Variants in PIDD1 observed in about 807,000 individuals in gnomAD.
PIDD1 encodes the protein p53-induced death domain protein 1, also known as p53-induced death domain-containing protein 1.
A neutral mutation model predicts 80.0 loss-of-function variants in PIDD1; 72 were observed. The observed-to-expected ratio is 0.90, with a 90% CI of 0.74 to 1.09. The LOEUF (loss-of-function observed/expected upper bound fraction) is 1.09. Ranked by LOEUF, PIDD1 falls within the 50% of genes least tolerant of loss-of-function variation. The probability of loss-of-function intolerance (pLI) is 0.00; values close to 1 mark genes in which losing one functional copy is unlikely to be tolerated. For missense variants in PIDD1, 1,329 were observed against 1,228.3 expected (o/e 1.08, Z -1.23); for synonymous variants, 655 against 543.5 (o/e 1.21, Z -2.85).
At position 801,609 on chromosome 11, in the gene PIDD1, A is replaced by G. The variant is rs1327544767; in HGVS notation, c.1318T>C (p.Cys440Arg). The G allele has an allele frequency of 8.4e-6, 13 of 1,553,400 alleles. No homozygotes were observed. The highest frequency in any genetic ancestry group is 3.5e-6 in the Non-Finnish European group (4 of 1,150,362). ...AACCAGGAGAAGTGGGGCACCTGGC[A>G]GTGAGCCCAGAGCCGCTGGGATGGG... ...EEAPQRLWAHCQVPHFSWFLV... is the reference protein window; with the variant it reads ...EEAPQRLWAHRQVPHFSWFLV... Residue 440 changes from cysteine (C) to arginine (R), a missense_variant, in exon 8 of 16, where the codon TGC (cysteine) becomes CGC (arginine). By Grantham distance (180) the Cys-to-Arg change is radical (BLOSUM62 -3). Coordinates refer to ENST00000347755, the MANE Select transcript of PIDD1 (RefSeq NM_145886.4).
upstream of PIDD1, among the ~76,000 whole-genome samples, chr11:806,408 G>A (rs1865775028): frequency 6.6e-6 from 1 of 152,046 alleles, no homozygotes; most frequent in African/African-American, 2.4e-5. Flanking sequence ...AGGTGTTTAG[G>A]GAGGGAACAG....
chr11:807,566 A>C (rs945018093), upstream of PIDD1, among the ~76,000 whole-genome samples: 1 of 151,978 alleles, frequency 6.6e-6, no homozygotes, highest in Non-Finnish European at 1.5e-5. Context: ...TCACGAGGTC[A>C]GGAGATCGAG....
At position 803,741 on chromosome 11, in the gene PIDD1, G is replaced by A. The variant is rs1158098044; in HGVS notation, c.296-154C>T. 6 of 864,878 alleles carry A rather than the reference G, an allele frequency of 6.9e-6. No individual in the cohort carries two copies. In the East Asian group the frequency reaches 1.6e-4, roughly 23 times the overall value. The allele number at this position is 864,878 out of a possible 1,614,324, so 53.6% of individuals were successfully genotyped here. A position where few individuals can be genotyped will look rare whatever the true frequency, so the allele number is the denominator to read the frequency against. ...GGGACAGACAGACAGAAACACTGGA[G>A]AGGTGCCCGCAAATGGAAGGAGGCA... On this transcript the variant is annotated intron_variant, in intron 2 of 15. Transcript: ENST00000347755.
Position 802,333 on chromosome 11 carries a change from T to C in PIDD1, c.1038A>G (p.Pro346=), listed in dbSNP as rs1235405364. 1.9e-6 allele frequency: 3 copies of C among 1,611,648 alleles called. No individual in the cohort carries two copies. Among genetic ancestry groups the C allele is most frequent in the Non-Finnish European group, 2.5e-6 (3 of 1,179,728 alleles). The part of the protein sequence containing the change: ...TLACGVRLQF[P]AGATATPITI... Reference sequence around the variant, plus strand: ...TGATGGGGGTGGCGGTGGCTCCCGCTGGGAACTGCAGGCGGACGCCACAGG... The same window carrying C: ...TGATGGGGGTGGCGGTGGCTCCCGCCGGGAACTGCAGGCGGACGCCACAGG... Residue 346 remains proline, a synonymous_variant, in exon 6 of 16, where the codon CCA becomes CCG. Coordinates refer to ENST00000347755, the MANE Select transcript of PIDD1 (RefSeq NM_145886.4).
At chr11:805,541 C>G, upstream of PIDD1, 2 of 900,474 alleles carry the variant, frequency 2.2e-6, no homozygotes, top group Non-Finnish European at 2.7e-6. Context: ...CCGGGCCGCT[C>G]CGAGGCAGAC....
Position 803,441 on chromosome 11 carries a change from G to A in PIDD1, c.442C>T (p.Arg148Ter), listed in dbSNP as rs142408616. ...ETLPACVLQM[R>*]GLGALLLSHN... is the part of the protein sequence containing the mutation. ...GACAGCAAGAGCGCACCCAGACCTC[G>A]CATCTGCAGGACACAGGCCGGCAGT... Residue 148 changes from arginine to a stop codon, truncating the protein, a stop_gained, in exon 3 of 16, where the codon CGA becomes TGA. Transcript: ENST00000347755. LOFTEE classifies it high-confidence loss of function. The A allele has an allele frequency of 2.3e-5, 37 of 1,613,790 alleles. No homozygotes were observed. The highest frequency in any genetic ancestry group is 5.3e-5 in the African/African-American group (4 of 74,918).
Position 799,480 on chromosome 11 carries a change from C to G in PIDD1, c.2560G>C (p.Val854Leu). ...CGGTCACTCTGCTCCAGGGCCTGCA[C>G]CAGGAGCCCCACAGCCCCTGGCTGC... The part of the protein sequence containing the change: ...AGQPGAVGLL[V>L]QALEQSDRQD... Residue 854 changes from valine to leucine, a missense_variant, in exon 16 of 16, where the codon GTG becomes CTG. Transcript: ENST00000347755. The G allele has an allele frequency of 6.2e-7, 1 of 1,608,796 alleles. No homozygotes were observed. The highest frequency in any genetic ancestry group is 8.5e-7 in the Non-Finnish European group (1 of 1,179,860).
At chr11:805,630 G>A, upstream of PIDD1, 1 of 985,456 alleles carries the variant, frequency 1.0e-6, no homozygotes, top group South Asian at 4.7e-5. Flanking sequence ...GCTACAAGCC[G>A]GAACAATTGC....
At position 802,801 on chromosome 11, in the gene PIDD1, C is replaced by T. The variant is rs747147594; in HGVS notation, c.800G>A (p.Arg267Gln). Residue 267 changes from arginine to glutamine, a missense_variant, in exon 4 of 16, where the codon CGG (arginine) becomes CAG (glutamine). Physicochemically the swap from Arg to Gln is conservative, Grantham distance 43. Transcript: ENST00000347755. The part of the protein sequence containing the change: ...ADLARLPLLT[R>Q]LDLRDNQLRD... ...GAGCTGGTTGTCCCTCAGGTCGAGC[C>T]GGGTGAGGAGTGGAAGGCGGGCCAA... 2.5e-6 allele frequency: 4 copies of T among 1,604,864 alleles called. No homozygotes were observed. The highest frequency in any genetic ancestry group is 1.7e-5 in the Admixed American group (1 of 58,742).
At position 801,567 on chromosome 11, in the gene PIDD1, G is replaced by A. The variant is rs768034823; in HGVS notation, c.1360C>T (p.Pro454Ser). 1.0e-5 allele frequency: 16 copies of A among 1,569,476 alleles called. No individual in the cohort carries two copies. Among genetic ancestry groups the A allele is most frequent in the Non-Finnish European group, 1.3e-5 (15 of 1,157,290 alleles). Residue 454 changes from proline to serine, a missense_variant, in exon 8 of 16, where the codon CCT becomes TCT. Physicochemically the swap from Pro to Ser is moderately conservative, Grantham distance 74. Coordinates refer to ENST00000347755, the MANE Select transcript of PIDD1 (RefSeq NM_145886.4). The part of the protein sequence containing the change: ...HFSWFLVVSR[P>S]VSNACLVPPE... ...GGCACCAGGCAGGCATTGGACACAGGGCGGGAAACCACAAGGAACCAGGAG... is the reference window on the plus strand; with the variant it reads ...GGCACCAGGCAGGCATTGGACACAGAGCGGGAAACCACAAGGAACCAGGAG...
intron 3 of PIDD1, 56 bp from the exon 4 acceptor site, chr11:802,947 A>G: frequency 7.1e-7 from 1 of 1,415,530 alleles, no homozygotes; most frequent in Non-Finnish European, 9.7e-7. Flanking sequence ...GCGCTGGGAC[A>G]CTCCTGCTGC....
chr11:803,891 C>A lies in PIDD1; in HGVS notation c.295+203G>T, dbSNP rs1590152447. On this transcript the variant is annotated intron_variant, in intron 2 of 15. Coordinates refer to ENST00000347755, the MANE Select transcript of PIDD1 (RefSeq NM_145886.4). ...AGCGTCAGGGTCCAGGAGCCAGGGC[C>A]CAGCCAGCCCCACACTGGGGGTGGT... 3.9e-5 allele frequency: 26 copies of A among 668,650 alleles called. No individual in the cohort carries two copies. The South Asian group carries it at 5.1e-4, about 13-fold the overall frequency. The allele number at this position is 668,650 out of a possible 1,614,324, so 41.4% of individuals were successfully genotyped here.
chr11:808,519 A>G (rs1262610081), upstream of PIDD1, among the ~76,000 whole-genome samples: 3 of 152,170 alleles, frequency 2.0e-5, no homozygotes, highest in Admixed American at 1.3e-4. Context: ...GCTTGAGCCC[A>G]TGTTGGACAA....
rs1051214162 is a variant in PIDD1 at position 800,919 on chromosome 11, G to A, written c.1767-7C>T. On this transcript the variant is annotated splice_polypyrimidine_tract_variant and splice_region_variant and intron_variant, in intron 10 of 15. Transcript: ENST00000347755. ...GGTGTACCAGAGCCAGTACCTGGGA[G>A]AGCTGGGGGTGAGGAGGGCTGTACA... 1 of 1,594,154 alleles carries A rather than the reference G, an allele frequency of 6.3e-7. No homozygotes were observed. The highest frequency in any genetic ancestry group is 1.3e-5 in the African/African-American group (1 of 74,894).
At position 802,868 on chromosome 11, in the gene PIDD1, G is replaced by A. The variant is rs563929707; in HGVS notation, c.733C>T (p.Leu245Phe). 1.3e-6 allele frequency: 2 copies of A among 1,574,696 alleles called. No individual in the cohort carries two copies. Among genetic ancestry groups the A allele is most frequent in the Middle Eastern group, 1.9e-4 (1 of 5,302 alleles). ...SLAGLRSLRL[L>F]VLHSNLLASV... ...GCCAGGAGGTTGCTGTGCAGGACAA[G>A]GAGCCGCAAGGACCGAAGTCCCGCT... The change falls in exon 4 of 16, where the codon CTT (leucine) becomes TTT (phenylalanine). Residue 245 changes from leucine (L) to phenylalanine (F), a missense_variant. Transcript: ENST00000347755.
rs1248862048 is a variant in PIDD1 at position 804,094 on chromosome 11, C to A, written c.295G>T (p.Gly99Ter). ...LSCLRSLVLK[G>*]GQRRDTLGAC... Reference sequence around the variant, plus strand: ...AGGGCCCAGAACAGGTGGAACTCACCTTTGAGGACCAGGGAGCGGAGGCAG... The same window carrying A: ...AGGGCCCAGAACAGGTGGAACTCACATTTGAGGACCAGGGAGCGGAGGCAG... Residue 99 changes from glycine (G) to a stop codon, truncating the protein, a stop_gained and splice_region_variant, in exon 2 of 16, where the codon GGA (glycine) becomes TGA (stop). Transcript: ENST00000347755. LOFTEE classifies it high-confidence loss of function. 1 of 1,605,810 alleles carries A rather than the reference C, an allele frequency of 6.2e-7. No homozygotes were observed. Among genetic ancestry groups the A allele is most frequent in the Non-Finnish European group, 8.5e-7 (1 of 1,174,842 alleles).
rs377081340 is a variant in PIDD1 at position 801,249 on chromosome 11, G to A, written c.1599C>T (p.Thr533=). 27 of 1,568,618 alleles carry A rather than the reference G, an allele frequency of 1.7e-5. No individual in the cohort carries two copies. The African/African-American group carries it at 2.3e-4, about 13-fold the overall frequency. ...SGPPSFLQPV[T]VQLPLPSGIT... The stretch of plus-strand genomic sequence containing the variant: ...TGCCAGAGGGCAGAGGCAGCTGCAC[G>A]GTGACCGGTTGGAGGAAGCTGGGGG... Residue 533 remains threonine (T), a synonymous_variant, in exon 9 of 16, where the codon ACC becomes ACT. Transcript: ENST00000347755.
In PIDD1 at chr11:803,336, GGC is replaced by G; in HGVS notation, c.545_546del (p.Arg182ProfsTer30). ...CCCAGTGCTGGGGGCAGCGTCTGCA[GGC>G]GGTTGTGTGTCACTGTGAGGAAGGT... ...ALTFLTVTHN[R>X]LQTLPPALGA... On this transcript the variant is annotated frameshift_variant, in exon 3 of 16. Transcript: ENST00000347755. LOFTEE classifies it high-confidence loss of function. 6.2e-7 allele frequency: 1 copy of G among 1,614,036 alleles called. No homozygotes were observed. The highest frequency in any genetic ancestry group is 1.1e-5 in the South Asian group (1 of 91,088).
Position 801,115 on chromosome 11 carries a change from T to TGA in PIDD1, c.1634_1635dup (p.Leu547ValfsTer71). On this transcript the variant is annotated frameshift_variant, in exon 10 of 16. Transcript: ENST00000347755. LOFTEE classifies it high-confidence loss of function. ...AGGTGCAGGCGGGAGCGGTCCAGACTGAGGCCTGGGGATGGGAGGGGCAGC... is the reference window on the plus strand; with the variant it reads ...AGGTGCAGGCGGGAGCGGTCCAGACTGAGAGGCCTGGGGATGGGAGGGGCAGC... 1 of 1,559,052 alleles carries TGA rather than the reference T, an allele frequency of 6.4e-7. No homozygotes were observed. The highest frequency in any genetic ancestry group is 8.7e-7 in the Non-Finnish European group (1 of 1,148,930).
Sources: allele counts gnomAD v4.1 joint callset (sites outside exome capture counted in the v4.1 genomes callset), GRCh38; gene constraint gnomAD v4.1.1; transcripts MANE v1.5; gene names NCBI Gene and HGNC (gene_info 2026-07-23, HGNC 2026-07-21).